PCBP3: variants seen among roughly 807,000 people sequenced by gnomAD.
PCBP3 encodes poly(rC) binding protein 3.
Under a neutral mutation model 52.7 loss-of-function variants are expected in PCBP3, and 25 were observed. That is an observed-to-expected ratio of 0.47 (90% confidence interval 0.35 to 0.66). The LOEUF is 0.66. PCBP3 is among the 30% of genes least tolerant of loss of function. The probability of loss-of-function intolerance (pLI) is 0.01; values close to 1 mark genes in which losing one functional copy is unlikely to be tolerated. For synonymous variants in PCBP3, 162 were observed against 183.0 expected (o/e 0.89, Z 0.93); for missense variants, 391 against 490.3 (o/e 0.80, Z 1.91).
intron 1 of PCBP3, among the ~76,000 whole-genome samples, chr21:45,660,772 C>T (rs1177127481): frequency 2.0e-5 from 3 of 152,130 alleles, no homozygotes; most frequent in African/African-American, 4.8e-5. Flanking sequence ...GGCATGGTGG[C>T]TCACACCTGT....
At chr21:45,913,538 G>A (rs1009173076) in intron 11 of PCBP3, among the ~76,000 whole-genome samples, 1 of 152,168 alleles carries the variant, frequency 6.6e-6, no homozygotes, top group African/African-American at 2.4e-5. Context: ...GGCCAGCACC[G>A]CAGGGGGCCG....
At chr21:45,687,627 A>G (rs2082228495) in intron 2 of PCBP3, among the ~76,000 whole-genome samples, 2 of 152,258 alleles carry the variant, frequency 1.3e-5, no homozygotes, top group Admixed American at 6.5e-5. Flanking sequence ...AGACCCAACA[A>G]TATGAATAAA....
intron 2 of PCBP3, among the ~76,000 whole-genome samples, chr21:45,711,949 CCTGATAATCA>C: frequency 6.6e-6 from 1 of 152,230 alleles, no homozygotes; most frequent in South Asian, 2.1e-4. Context: ...CCCCTGAATC[CCTGATAATCA>C]CTGATCTGTC....
chr21:45,844,935 T>C (rs2093777225), intron 4 of PCBP3, among the ~76,000 whole-genome samples: 1 of 150,730 alleles, frequency 6.6e-6, no homozygotes, highest in African/African-American at 2.5e-5. Context: ...AGTTTACATA[T>C]ATATATGCTT....
At chr21:45,926,894 CA>C (rs1252580311) in intron 13 of PCBP3, among the ~76,000 whole-genome samples, 1 of 152,176 alleles carries the variant, frequency 6.6e-6, no homozygotes, top group East Asian at 1.9e-4. Context: ...TACTGTTTCT[CA>C]TAAGACACCA....
At chr21:45,933,079 G>A (rs910329428) in intron 15 of PCBP3, among the ~76,000 whole-genome samples, 9 of 151,634 alleles carry the variant, frequency 5.9e-5, no homozygotes, top group Admixed American at 2.0e-4. Context: ...CGGCCACGCC[G>A]TCTTGAGATG....
intron 4 of PCBP3, among the ~76,000 whole-genome samples, chr21:45,815,433 GGTGAGTC>G (rs1343961190): frequency 9.9e-6 from 1 of 100,674 alleles, no homozygotes; most frequent in African/African-American, 3.9e-5. Flanking sequence ...AGTGGTGAGT[GGTGAGTC>G]AGTGGTGAGT....
At chr21:45,672,146 A>G (rs548197833) in intron 2 of PCBP3, among the ~76,000 whole-genome samples, 1 of 152,238 alleles carries the variant, frequency 6.6e-6, no homozygotes, top group South Asian at 2.1e-4. Flanking sequence ...CTTTATAAAA[A>G]GAGGAAGAGA....
At chr21:45,731,212 AC>A (rs1470576418) in intron 2 of PCBP3, among the ~76,000 whole-genome samples, 1 of 152,146 alleles carries the variant, frequency 6.6e-6, no homozygotes, top group Non-Finnish European at 1.5e-5. Flanking sequence ...TTGCTTGGCC[AC>A]CAATAGTACA....
intron 4 of PCBP3, among the ~76,000 whole-genome samples, chr21:45,845,890 C>G (rs2839016): frequency 0.3 from 46,163 of 152,158 alleles, 8,428 homozygotes; most frequent in East Asian, 0.67. Context: ...AGCCATTGCT[C>G]TGCTGTTACT....
chr21:45,906,452 G>A (rs571730732), intron 9 of PCBP3, among the ~76,000 whole-genome samples: 24 of 152,216 alleles, frequency 1.6e-4, no homozygotes, highest in Admixed American at 7.8e-4. Flanking sequence ...GGGTCGGGTC[G>A]GGAAGGCCTT....
At position 45,724,741 on chromosome 21, in the gene PCBP3, C is replaced by T. The variant is rs1457114053; in HGVS notation, c.-199-10651C>T. On this transcript the variant is annotated intron_variant, in intron 2 of 17. Coordinates refer to ENST00000681687, the MANE Select transcript of PCBP3 (RefSeq NM_001384156.1). This position sits in a 1 kb window ranked among gnomAD's most constrained non-coding sequence, Gnocchi z 5.3. ...CTCAGCTGGAGTGGCACTCTGTAAC[C>T]CGCCCCCCCTCAGCTGGAGTGGCAC... is the stretch of plus-strand genomic sequence containing the variant. Among the ~76,000 whole-genome samples, 3 of 151,716 alleles carry T rather than the reference C, an allele frequency of 2.0e-5. No homozygotes were observed. The highest frequency in any genetic ancestry group is 2.0e-4 in the Admixed American group (3 of 15,244).
rs565638758 is a variant in PCBP3, at chr21:45,778,288, C to T, written c.-126+22836C>T. On this transcript the variant is annotated intron_variant, in intron 4 of 17. Transcript: ENST00000681687. ...GGACTGGGATGCCAGGTGAGCCAGACTTAAGGCCCCACTAGAGGCAGCATT... is the reference window on the plus strand; with the variant it reads ...GGACTGGGATGCCAGGTGAGCCAGATTTAAGGCCCCACTAGAGGCAGCATT... Among the ~76,000 whole-genome samples, 20 of 152,248 alleles carry T rather than the reference C, an allele frequency of 1.3e-4. No individual in the cohort carries two copies. In the East Asian group the frequency reaches 2.7e-3, roughly 21 times the overall value.
At chr21:45,842,342 G>T (rs1162771512) in intron 4 of PCBP3, among the ~76,000 whole-genome samples, 1 of 152,140 alleles carries the variant, frequency 6.6e-6, no homozygotes, top group African/African-American at 2.4e-5. Flanking sequence ...AAATTCAATT[G>T]CTTTAATTGT....
intron 1 of PCBP3, among the ~76,000 whole-genome samples, chr21:45,664,310 T>G (rs1044700661): frequency 7.0e-6 from 1 of 142,532 alleles, no homozygotes; most frequent in Non-Finnish European, 1.5e-5. Flanking sequence ...ATTTTTAATG[T>G]GATGAAAGAA....
chr21:45,839,774 C>T (rs2093660915), intron 4 of PCBP3, among the ~76,000 whole-genome samples: 2 of 152,136 alleles, frequency 1.3e-5, no homozygotes, highest in African/African-American at 4.8e-5. Context: ...GCAGCCTCCG[C>T]TTCCCAGGTT....
chr21:45,669,722 A>G (rs1211703872), intron 2 of PCBP3, among the ~76,000 whole-genome samples: 1 of 148,592 alleles, frequency 6.7e-6, no homozygotes, highest in Non-Finnish European at 1.5e-5. Context: ...TACTGTCTTC[A>G]GGGTTCATCC....
chr21:45,660,657 A>C (rs1457960301), intron 1 of PCBP3, among the ~76,000 whole-genome samples: 1 of 152,194 alleles, frequency 6.6e-6, no homozygotes, highest in African/African-American at 2.4e-5. Flanking sequence ...AGTTTGGATT[A>C]GTACCAGTCT....
At chr21:45,799,354 A>C (rs2092191121) in intron 4 of PCBP3, among the ~76,000 whole-genome samples, 1 of 152,206 alleles carries the variant, frequency 6.6e-6, no homozygotes, top group Non-Finnish European at 1.5e-5. Flanking sequence ...CACCCATGGT[A>C]CAGTATAGTG....
Sources: allele counts gnomAD v4.1 joint callset (sites outside exome capture counted in the v4.1 genomes callset), GRCh38; gene constraint gnomAD v4.1.1; non-coding constraint Gnocchi (gnomAD v3.1); transcripts MANE v1.5; gene names NCBI Gene and HGNC (gene_info 2026-07-23, HGNC 2026-07-21).